ADGRA3: variants seen among roughly 807,000 people sequenced by gnomAD.
ADGRA3 encodes adhesion G protein-coupled receptor A3.
A neutral mutation model predicts 119.8 loss-of-function variants in ADGRA3; 56 were observed. The ratio of observed to expected loss-of-function variants is 0.47; its 90% CI spans 0.38 to 0.58. The LOEUF (loss-of-function observed/expected upper bound fraction) is 0.58, where lower values mean the gene tolerates loss of function less well. Ranked by LOEUF, ADGRA3 falls within the 20% of genes least tolerant of loss-of-function variation. ADGRA3 has a pLI of 0.00. For synonymous variants in ADGRA3, 607 were observed against 623.8 expected, an observed-to-expected ratio of 0.97 and a Z score of 0.40; for missense variants, 1,516 against 1,649.0, an observed-to-expected ratio of 0.92 and a Z score of 1.40.
rs148015896 is a variant in ADGRA3 at position 22,421,144 on chromosome 4, C to T, written c.1606-55G>A. 219 of 1,470,242 alleles carry T rather than the reference C, an allele frequency of 1.5e-4. 1 individual carries two copies. In the Middle Eastern group the frequency reaches 1.9e-3, roughly 13 times the overall value. 91.1% of individuals were successfully genotyped at this position (1,470,242 alleles called of 1,614,324 possible). Reference sequence around the variant, plus strand: ...AACGATTTATAGCACAAAGGAAAAGCACTTTCAAAGACTTTTCAAACACAA... The same window carrying T: ...AACGATTTATAGCACAAAGGAAAAGTACTTTCAAAGACTTTTCAAACACAA... On this transcript the variant is annotated intron_variant, in intron 11 of 18. Transcript: ENST00000334304.
intron 17 of ADGRA3, among the ~76,000 whole-genome samples, 155 bp from the exon 18 acceptor site, chr4:22,389,338 T>C (rs766763364): frequency 2.6e-5 from 4 of 152,222 alleles, no homozygotes; most frequent in Non-Finnish European, 4.4e-5. Flanking sequence ...GGCTGATTTA[T>C]TAGCAGTAAT....
At position 22,392,587 on chromosome 4, in the gene ADGRA3, T is replaced by G. The variant is rs1166931783; in HGVS notation, c.2585A>C (p.Gln862Pro). Residue 862 changes from glutamine to proline, a missense_variant, in exon 17 of 19, where the codon CAG (glutamine) becomes CCG (proline). Coordinates refer to ENST00000334304, the MANE Select transcript of ADGRA3 (RefSeq NM_145290.4). ...KQVTKKAKRC[Q>P]DPDEPPPPPR... ...TGGAGGTGGTGGTTCATCAGGATCCTGGCATCTTTTAGCTTTTTTAGTGAC... is the reference window on the plus strand; with the variant it reads ...TGGAGGTGGTGGTTCATCAGGATCCGGGCATCTTTTAGCTTTTTTAGTGAC... The G allele has an allele frequency of 2.5e-6, 4 of 1,614,040 alleles. No individual in the cohort carries two copies. The highest frequency in any genetic ancestry group is 3.4e-6 in the Non-Finnish European group (4 of 1,179,906).
chr4:22,430,523 T>C (rs1716121430), intron 10 of ADGRA3, among the ~76,000 whole-genome samples: 1 of 152,100 alleles, frequency 6.6e-6, no homozygotes, highest in African/African-American at 2.4e-5. Context: ...AGAGATGATT[T>C]AGGGTATCTG....
chr4:22,466,387 C>T (rs763473806), intron 2 of ADGRA3, among the ~76,000 whole-genome samples: 1 of 152,206 alleles, frequency 6.6e-6, no homozygotes, highest in African/African-American at 2.4e-5. Flanking sequence ...TCTTCACCCA[C>T]GTATCCTTGA....
chr4:22,413,357 A>G lies in ADGRA3; in HGVS notation c.2057T>C (p.Val686Ala). 1 of 1,614,084 alleles carries G rather than the reference A, an allele frequency of 6.2e-7. No homozygotes were observed. The highest frequency in any genetic ancestry group is 8.5e-7 in the Non-Finnish European group (1 of 1,179,950). Residue 686 changes from valine (V) to alanine (A), a missense_variant, in exon 14 of 19, where the codon GTT becomes GCT. Transcript: ENST00000334304. ...TGCAATTCGACGCAGTGTCACATTA[A>G]CAGGGATGTGGTGGGTATCTACATT... ...GVNVDTHHIP[V>A]NVTLRRIAHG...
At chr4:22,414,946 T>C (rs1434429037) in intron 12 of ADGRA3, among the ~76,000 whole-genome samples, 1 of 152,166 alleles carries the variant, frequency 6.6e-6, no homozygotes, top group Non-Finnish European at 1.5e-5. Context: ...GAAGACTTTA[T>C]ACAGAGTCCT....
chr4:22,505,242 A>G (rs1195725854), intron 1 of ADGRA3, among the ~76,000 whole-genome samples: 2 of 152,200 alleles, frequency 1.3e-5, no homozygotes, highest in African/African-American at 2.4e-5. Context: ...CAGCAGTGGG[A>G]CATGGGAAAA....
chr4:22,417,395 A>T (rs1715471800), intron 12 of ADGRA3, among the ~76,000 whole-genome samples: 1 of 151,994 alleles, frequency 6.6e-6, no homozygotes, highest in African/African-American at 2.4e-5. Context: ...GCAACAAAAC[A>T]GTAAGAGCTA....
Position 22,389,013 on chromosome 4 carries a change from A to G in ADGRA3, c.2724-66T>C, listed in dbSNP as rs3733313. On this transcript the variant is annotated intron_variant, in intron 18 of 18. Transcript: ENST00000334304. ...TCAACAAATTATCTACGAAATTGCA[A>G]TCACCTGTAATGCCTAGAAAATACT... The G allele has an allele frequency of 1.5e-3, 2,361 of 1,595,374 alleles. 59 individuals are homozygous for G. The East Asian group carries it at 0.047, about 32-fold the overall frequency.
At chr4:22,448,216 C>A (rs2012656) in intron 4 of ADGRA3, among the ~76,000 whole-genome samples, 149,285 of 152,306 alleles carry the variant, frequency 0.98, 73,234 homozygotes, top group Non-Finnish European at 1. Context: ...CTCTAGAGCT[C>A]GGGGGAGGAC....
At chr4:22,515,417 A>T (rs531933213) in intron 1 of ADGRA3, 111 bp downstream of exon 1, 1 of 1,321,532 alleles carries the variant, frequency 7.6e-7, no homozygotes, top group East Asian at 3.1e-5. Context: ...CCCCCTGCCT[A>T]CAGCTCCACA....
chr4:22,508,158 T>G (rs997576267), intron 1 of ADGRA3, among the ~76,000 whole-genome samples: 7 of 152,246 alleles, frequency 4.6e-5, no homozygotes, highest in African/African-American at 1.7e-4. Context: ...AGCACCAGTA[T>G]CATAGAAAGT....
chr4:22,500,753 G>A (rs1459898005), intron 1 of ADGRA3, among the ~76,000 whole-genome samples: 1 of 152,146 alleles, frequency 6.6e-6, no homozygotes, highest in East Asian at 1.9e-4. Context: ...GTGTCTATGA[G>A]GGCATTTCCA....
chr4:22,497,589 A>G (rs55785050), intron 1 of ADGRA3, among the ~76,000 whole-genome samples: 9,431 of 152,066 alleles, frequency 0.062, 515 homozygotes, highest in African/African-American at 0.15. Context: ...TCGGAAGCCA[A>G]GGCGGGAAGA....
intron 16 of ADGRA3, 54 bp from the exon 17 acceptor site, chr4:22,392,744 T>C: frequency 6.5e-7 from 1 of 1,528,318 alleles, no homozygotes; most frequent in Non-Finnish European, 8.8e-7. Context: ...CTACTAAGGC[T>C]TACCTCAAAA....
intron 5 of ADGRA3, among the ~76,000 whole-genome samples, chr4:22,446,263 A>G (rs1365384585): frequency 1.3e-5 from 2 of 152,152 alleles, no homozygotes; most frequent in Non-Finnish European, 2.9e-5. Context: ...ATTCCTAAGC[A>G]CCACTTTATG....
intron 1 of ADGRA3, among the ~76,000 whole-genome samples, chr4:22,476,985 T>C (rs1718071783): frequency 6.6e-6 from 1 of 152,130 alleles, no homozygotes; most frequent in Non-Finnish European, 1.5e-5. Context: ...TTTTATTCTT[T>C]ATAATCCTGC....
At chr4:22,416,495 AT>A (rs1489738831) in intron 12 of ADGRA3, among the ~76,000 whole-genome samples, 1 of 152,156 alleles carries the variant, frequency 6.6e-6, no homozygotes, top group African/African-American at 2.4e-5. Context: ...TCTGAGTCTC[AT>A]CTGTCAAACA....
At chr4:22,423,514 T>C (rs1031501473) in intron 11 of ADGRA3, among the ~76,000 whole-genome samples, 6 of 152,222 alleles carry the variant, frequency 3.9e-5, no homozygotes, top group Non-Finnish European at 8.8e-5. Flanking sequence ...TTATTTACTG[T>C]ATTCACCACC....
Sources: allele counts gnomAD v4.1 joint callset (sites outside exome capture counted in the v4.1 genomes callset), GRCh38; gene constraint gnomAD v4.1.1; transcripts MANE v1.5; gene names NCBI Gene and HGNC (gene_info 2026-07-23, HGNC 2026-07-21).